Variants in EEFSEC observed in about 807,000 individuals in gnomAD.
EEFSEC encodes the protein selenocysteine-specific elongation factor.
In EEFSEC, 43 loss-of-function variants were observed where a neutral mutation model predicts 42.1. That is an observed-to-expected ratio of 1.02 (90% CI 0.80 to 1.32). The LOEUF (loss-of-function observed/expected upper bound fraction) is 1.32. Among genes scored for constraint, EEFSEC ranks in the 40% most tolerant of loss-of-function variants. EEFSEC has a pLI of 0.00. For synonymous variants in EEFSEC, 354 were observed against 339.1 expected, an observed-to-expected ratio of 1.04 and a Z score of -0.48; for missense variants, 745 against 803.6, an observed-to-expected ratio of 0.93 and a Z score of 0.88.
chr3:128,267,244 C>G (rs542380901), intron 4 of EEFSEC, among the ~76,000 whole-genome samples: 176 of 152,168 alleles, frequency 1.2e-3, no homozygotes, highest in Admixed American at 4.6e-3. Context: ...CGAGTGGGGT[C>G]CTGTTCTGAG....
chr3:128,425,931 C>A, the EEFSEC span, among the ~76,000 whole-genome samples: 1 of 151,966 alleles, frequency 6.6e-6, no homozygotes, highest in African/African-American at 2.4e-5. Flanking sequence ...CAGGCGGGGG[C>A]CCAGCAGGTG....
At chr3:128,316,963 A>C (rs1191242319) in intron 4 of EEFSEC, among the ~76,000 whole-genome samples, 1 of 152,256 alleles carries the variant, frequency 6.6e-6, no homozygotes, top group Non-Finnish European at 1.5e-5. Flanking sequence ...ATTAAACAAC[A>C]TACAGGAATA....
intron 6 of EEFSEC, among the ~76,000 whole-genome samples, chr3:128,384,598 G>A (rs1034479408): frequency 3.9e-5 from 6 of 152,248 alleles, no homozygotes; most frequent in Non-Finnish European, 8.8e-5. Context: ...CAGTTGCTGG[G>A]GATGGAGTGG....
At chr3:128,329,731 C>T (rs1046461570) in intron 4 of EEFSEC, among the ~76,000 whole-genome samples, 14 of 152,296 alleles carry the variant, frequency 9.2e-5, no homozygotes, top group Non-Finnish European at 1.9e-4. Context: ...CAGATGGCCA[C>T]AGGCCTGTGT....
intron 1 of EEFSEC, among the ~76,000 whole-genome samples, chr3:128,183,671 G>A (rs767013940): frequency 5.9e-5 from 9 of 152,294 alleles, no homozygotes; most frequent in East Asian, 3.9e-4. Context: ...GAACCGATGC[G>A]TGCAGGGCAC....
At chr3:128,412,223 C>T (rs1377275355), downstream of EEFSEC, among the ~76,000 whole-genome samples, 1 of 152,214 alleles carries the variant, frequency 6.6e-6, no homozygotes, top group Non-Finnish European at 1.5e-5. Flanking sequence ...GGGTGGGATT[C>T]AAGGGAGGCT....
downstream of EEFSEC, among the ~76,000 whole-genome samples, chr3:128,408,837 C>T (rs188660222): frequency 2.6e-3 from 395 of 152,296 alleles, 2 homozygotes; most frequent in African/African-American, 8.1e-3. Flanking sequence ...GCTCCTGGGG[C>T]GCTCTGGGCC....
intron 1 of EEFSEC, among the ~76,000 whole-genome samples, chr3:128,191,374 A>C (rs1448841380): frequency 6.6e-6 from 1 of 152,066 alleles, no homozygotes; most frequent in East Asian, 1.9e-4. Context: ...AGCTCACTGC[A>C]ACATGGGCTC....
chr3:128,191,014 T>G (rs1034818838), intron 1 of EEFSEC, among the ~76,000 whole-genome samples: 15 of 152,154 alleles, frequency 9.9e-5, no homozygotes, highest in Non-Finnish European at 1.9e-4. Context: ...ATAGGCTATT[T>G]CACACAACCT....
chr3:128,323,549 G>A (rs1379514041), intron 4 of EEFSEC, among the ~76,000 whole-genome samples: 1 of 152,138 alleles, frequency 6.6e-6, no homozygotes, highest in Non-Finnish European at 1.5e-5. Context: ...ATCCTAACAC[G>A]AATTACTCTT....
intron 4 of EEFSEC, among the ~76,000 whole-genome samples, chr3:128,292,346 G>A (rs2066652875): frequency 6.6e-6 from 1 of 151,848 alleles, no homozygotes; most frequent in African/African-American, 2.4e-5. Flanking sequence ...AAGAGAAGAA[G>A]TTTTTGCTCT....
chr3:128,360,445 C>A (rs2067510863), intron 6 of EEFSEC, among the ~76,000 whole-genome samples: 2 of 152,208 alleles, frequency 1.3e-5, no homozygotes, highest in South Asian at 4.1e-4. Context: ...ACTGATCCTT[C>A]CCCTAAACAG....
At chr3:128,205,991 A>G (rs187713948) in intron 1 of EEFSEC, among the ~76,000 whole-genome samples, 2 of 152,298 alleles carry the variant, frequency 1.3e-5, no homozygotes, top group East Asian at 1.9e-4. Flanking sequence ...TCCTTTTTCA[A>G]GTTAAAATAA....
At chr3:128,292,653 CATTTT>C (rs1323563356) in intron 4 of EEFSEC, among the ~76,000 whole-genome samples, 1 of 151,716 alleles carries the variant, frequency 6.6e-6, no homozygotes, top group Non-Finnish European at 1.5e-5. Flanking sequence ...GTGATATCTT[CATTTT>C]ATTTCTAATA....
intron 6 of EEFSEC, among the ~76,000 whole-genome samples, chr3:128,402,230 A>G (rs2068056443): frequency 6.6e-6 from 1 of 152,254 alleles, no homozygotes; most frequent in Non-Finnish European, 1.5e-5. Flanking sequence ...AGCCAAATGG[A>G]CAGTCTTCCG....
chr3:128,228,676 G>A (rs1286446926), intron 1 of EEFSEC, among the ~76,000 whole-genome samples: 2 of 152,028 alleles, frequency 1.3e-5, no homozygotes, highest in Non-Finnish European at 2.9e-5. Context: ...CGGCCTGAGT[G>A]GGGTCTGATC....
At chr3:128,310,272 C>T (rs1231097785) in intron 4 of EEFSEC, among the ~76,000 whole-genome samples, 1 of 152,218 alleles carries the variant, frequency 6.6e-6, no homozygotes, top group Non-Finnish European at 1.5e-5. Flanking sequence ...GAGAAAGTCA[C>T]AGGATTTCCT....
chr3:128,419,601 G>A, the EEFSEC span, among the ~76,000 whole-genome samples: 1 of 152,174 alleles, frequency 6.6e-6, no homozygotes, highest in East Asian at 1.9e-4. Context: ...TCAGCCTTAT[G>A]TTTTCATTTT....
rs551302497 is a variant in EEFSEC, at chr3:128,213,304, T to G, written c.317-33532T>G. Among the ~76,000 whole-genome samples, 11 of 152,302 alleles carry G rather than the reference T, an allele frequency of 7.2e-5. No homozygotes were observed. In the South Asian group the frequency reaches 2.3e-3, roughly 32 times the overall value. On this transcript the variant is annotated intron_variant, in intron 1 of 6. Coordinates refer to ENST00000254730, the MANE Select transcript of EEFSEC (RefSeq NM_021937.5). ...ACCAGGTGAAGGGTCTGGGGAGCCTTAGCTGTGACGGGAAGAAAGTGCTTG... is the reference window on the plus strand; with the variant it reads ...ACCAGGTGAAGGGTCTGGGGAGCCTGAGCTGTGACGGGAAGAAAGTGCTTG...
Sources: gnomAD v4.1 joint callset for allele counts (sites outside exome capture counted in the v4.1 genomes callset) on GRCh38, gnomAD v4.1.1 for gene constraint, MANE v1.5 for transcripts, NCBI Gene and HGNC (gene_info 2026-07-23, HGNC 2026-07-21) for gene names.